Variants in NDST4 observed in about 807,000 individuals in gnomAD.
NDST4 encodes N-heparan sulfate sulfotransferase 4.
In NDST4, 63 loss-of-function variants were observed where a neutral mutation model predicts 100.8. The ratio of observed to expected loss-of-function variants is 0.62; its 90% CI spans 0.51 to 0.77. The LOEUF (loss-of-function observed/expected upper bound fraction) is 0.77. NDST4 is among the 30% of genes least tolerant of loss of function. NDST4 has a pLI of 0.00. For synonymous variants in NDST4, 377 were observed against 361.8 expected, an observed-to-expected ratio of 1.04 and a Z score of -0.48; for missense variants, 943 against 1,018.4, an observed-to-expected ratio of 0.93 and a Z score of 1.01.
chr4:114,915,490 G>C (rs1725149874), intron 6 of NDST4, among the ~76,000 whole-genome samples: 1 of 152,138 alleles, frequency 6.6e-6, no homozygotes, highest in Admixed American at 6.6e-5. Context: ...AAGAGTTACA[G>C]TAATTTTCAT....
At chr4:114,933,856 C>G (rs1334270853) in intron 6 of NDST4, among the ~76,000 whole-genome samples, 4 of 152,058 alleles carry the variant, frequency 2.6e-5, no homozygotes, top group Non-Finnish European at 4.4e-5. Context: ...TGAAAGATAA[C>G]AAAGTTGGCG....
At chr4:115,093,224 T>C (rs540725682) in intron 1 of NDST4, among the ~76,000 whole-genome samples, 209 of 152,170 alleles carry the variant, frequency 1.4e-3, no homozygotes, top group African/African-American at 2.9e-3. Context: ...GCCTGTAATC[T>C]CAGCATTTTG....
intron 2 of NDST4, among the ~76,000 whole-genome samples, chr4:114,994,651 T>C (rs1727120291): frequency 6.6e-6 from 1 of 152,020 alleles, no homozygotes; most frequent in African/African-American, 2.4e-5. Context: ...CAAAAATGTT[T>C]TCCTTAGTTA....
rs936819207 is a variant in NDST4, at chr4:114,873,257, T to C, written c.1537-2307A>G. Among the ~76,000 whole-genome samples the C allele has an allele frequency of 4.0e-5, 6 of 151,758 alleles. No homozygotes were observed. In the South Asian group the frequency reaches 1.2e-3, roughly 31 times the overall value. ...AAAGACTATAGATATTTTAAAAATATTATTTATTTGATTTACCTAGGTAGA... is the reference window on the plus strand; with the variant it reads ...AAAGACTATAGATATTTTAAAAATACTATTTATTTGATTTACCTAGGTAGA... On this transcript the variant is annotated intron_variant, in intron 6 of 13. Coordinates refer to ENST00000264363, the MANE Select transcript of NDST4 (RefSeq NM_022569.3).
Position 115,007,590 on chromosome 4 carries a change from T to C in NDST4, c.979-30316A>G, listed in dbSNP as rs1727448620. Among the ~76,000 whole-genome samples the C allele has an allele frequency of 3.0e-5, 2 of 67,234 alleles. 1 individual carries two copies. The highest frequency in any genetic ancestry group is 1.5e-3 in the South Asian group (2 of 1,362). 44.1% of individuals were successfully genotyped at this position (67,234 alleles called of 152,430 possible). A position where few individuals can be genotyped will look rare whatever the true frequency, so the allele number is the denominator to read the frequency against. On this transcript the variant is annotated intron_variant, in intron 2 of 13. Transcript: ENST00000264363. Reference sequence around the variant, plus strand: ...TGAGCTGAGAATTCCAACAGAAAGCTGGAATGATGATACAACCAAGAGATA... The same window carrying C: ...TGAGCTGAGAATTCCAACAGAAAGCCGGAATGATGATACAACCAAGAGATA...
At chr4:114,868,957 T>C (rs1724090358) in intron 7 of NDST4, among the ~76,000 whole-genome samples, 1 of 148,970 alleles carries the variant, frequency 6.7e-6, no homozygotes, top group South Asian at 2.1e-4. Flanking sequence ...TATATATATA[T>C]ATATATATAT....
At chr4:114,935,723 G>T (rs2126225492) in intron 5 of NDST4, among the ~76,000 whole-genome samples, 1 of 152,188 alleles carries the variant, frequency 6.6e-6, no homozygotes, top group Non-Finnish European at 1.5e-5. Context: ...GTCCTGCATT[G>T]TAAAGGTATG....
intron 1 of NDST4, among the ~76,000 whole-genome samples, chr4:115,098,603 A>G (rs2126297244): frequency 6.6e-6 from 1 of 152,366 alleles, no homozygotes; most frequent in East Asian, 1.9e-4. Flanking sequence ...ATAAAGCTAT[A>G]GTAATCAAGA....
intron 6 of NDST4, among the ~76,000 whole-genome samples, chr4:114,932,193 T>C (rs2126223973): frequency 6.6e-6 from 1 of 151,970 alleles, no homozygotes; most frequent in South Asian, 2.1e-4. Context: ...GTTCAACATA[T>C]GCAAATCCAT....
chr4:115,008,471 C>T (rs6824591), intron 2 of NDST4, among the ~76,000 whole-genome samples: 12,408 of 127,546 alleles, frequency 0.097, 4,038 homozygotes, highest in African/African-American at 0.35. Flanking sequence ...TTAGTTTGGC[C>T]GGATATGAAA....
At chr4:115,013,126 G>A (rs1727591960) in intron 2 of NDST4, among the ~76,000 whole-genome samples, 1 of 150,968 alleles carries the variant, frequency 6.6e-6, no homozygotes, top group Non-Finnish European at 1.5e-5. Flanking sequence ...TAGAGAGAAT[G>A]AATAAGATCT....
At chr4:115,047,894 GTAA>G (rs1397630402) in intron 2 of NDST4, among the ~76,000 whole-genome samples, 1 of 151,988 alleles carries the variant, frequency 6.6e-6, no homozygotes, top group Admixed American at 6.6e-5. Context: ...TTGTCAAATT[GTAA>G]TAGAATTAAT....
At chr4:114,904,575 A>G (rs999546532) in intron 6 of NDST4, among the ~76,000 whole-genome samples, 1 of 151,912 alleles carries the variant, frequency 6.6e-6, no homozygotes, top group Non-Finnish European at 1.5e-5. Context: ...ATTTTTGACA[A>G]TGTTTATCCA....
intron 2 of NDST4, among the ~76,000 whole-genome samples, chr4:114,987,461 A>G (rs1026790349): frequency 1.3e-5 from 2 of 152,164 alleles, no homozygotes; most frequent in African/African-American, 4.8e-5. Context: ...GAAATGGCTT[A>G]AGATCTGCAG....
At chr4:114,887,390 G>T (rs1042466855) in intron 6 of NDST4, among the ~76,000 whole-genome samples, 3 of 152,190 alleles carry the variant, frequency 2.0e-5, no homozygotes, top group African/African-American at 4.8e-5. Context: ...AATCAAGCAA[G>T]TGAAGATTAT....
intron 1 of NDST4, among the ~76,000 whole-genome samples, chr4:115,093,498 A>G (rs1729563269): frequency 6.6e-6 from 1 of 152,084 alleles, no homozygotes; most frequent in Non-Finnish European, 1.5e-5. Flanking sequence ...AAAATAAAGA[A>G]GACCTAAATA....
chr4:115,057,412 G>A (rs1191379085), intron 2 of NDST4, among the ~76,000 whole-genome samples: 3 of 151,862 alleles, frequency 2.0e-5, no homozygotes, highest in African/African-American at 4.8e-5. Context: ...TTCCGGGAAG[G>A]GGAAGAGAAG....
chr4:114,997,927 G>T (rs934787663), intron 2 of NDST4, among the ~76,000 whole-genome samples: 12 of 151,996 alleles, frequency 7.9e-5, no homozygotes, highest in African/African-American at 2.7e-4. Context: ...AGGATTAAAG[G>T]ATTTGTTGGA....
chr4:114,894,126 GT>G (rs1405667097), intron 6 of NDST4, among the ~76,000 whole-genome samples: 1 of 152,186 alleles, frequency 6.6e-6, no homozygotes, highest in Non-Finnish European at 1.5e-5. Flanking sequence ...GTACCATGCT[GT>G]TTTTGTTACT....
Sources: allele counts gnomAD v4.1 joint callset (sites outside exome capture counted in the v4.1 genomes callset), GRCh38; gene constraint gnomAD v4.1.1; transcripts MANE v1.5; gene names NCBI Gene and HGNC (gene_info 2026-07-23, HGNC 2026-07-21).